The following SEPTIN8 variants were observed in gnomAD, a reference collection of about 807,000 sequenced individuals.
SEPTIN8 encodes the protein septin-8.
SEPTIN8 carries 22 observed loss-of-function variants against 53.1 expected under a neutral mutation model. That is an observed-to-expected ratio of 0.41 (90% CI 0.30 to 0.59). SEPTIN8 has a LOEUF of 0.59. Ranked by LOEUF, SEPTIN8 falls within the 20% of genes least tolerant of loss-of-function variation. The probability of loss-of-function intolerance (pLI) is 0.24; values close to 1 mark genes in which losing one functional copy is unlikely to be tolerated. For missense variants in SEPTIN8, 536 were observed against 638.7 expected, an observed-to-expected ratio of 0.84 and a Z score of 1.73; for synonymous variants, 228 against 248.4, an observed-to-expected ratio of 0.92 and a Z score of 0.77.
chr5:132,762,639 T>A lies in SEPTIN8; in HGVS notation c.541A>T (p.Ile181Phe), dbSNP rs1310943580. Residue 181 changes from isoleucine to phenylalanine, a missense_variant, in exon 5 of 10, where the codon ATT becomes TTT. Ile to Phe is a conservative substitution (Grantham distance 21). Coordinates refer to ENST00000378719, the MANE Select transcript of SEPTIN8 (RefSeq NM_001098811.2). ...TMKKLDSKVN[I>F]IPIIAKADTI... ...TCAGCCTTGGCGATGATGGGAATAA[T>A]GTTCACCTGCCAGGATCAGGGGAGG... 6.2e-7 allele frequency: 1 copy of A among 1,614,070 alleles called. No individual in the cohort carries two copies. Among genetic ancestry groups the A allele is most frequent in the Non-Finnish European group, 8.5e-7 (1 of 1,180,034 alleles).
chr5:132,778,375 C>T (rs1231248696), upstream of SEPTIN8, among the ~76,000 whole-genome samples: 1 of 152,120 alleles, frequency 6.6e-6, no homozygotes, highest in African/African-American at 2.4e-5. Context: ...TTCGACTTAG[C>T]ACACCTGGCT....
At chr5:132,754,838 A>G (rs1328998499) in intron 9 of SEPTIN8, among the ~76,000 whole-genome samples, 2 of 152,200 alleles carry the variant, frequency 1.3e-5, no homozygotes, top group East Asian at 3.8e-4. Flanking sequence ...AGCTATTGAA[A>G]GGCAGGGATT....
Position 132,764,371 on chromosome 5 carries a change from G to T in SEPTIN8, c.200C>A (p.Thr67Lys), listed in dbSNP as rs376068350. The T allele has an allele frequency of 1.1e-5, 17 of 1,614,028 alleles. No homozygotes were observed. Among genetic ancestry groups the T allele is most frequent in the Non-Finnish European group, 1.4e-5 (16 of 1,180,016 alleles). The change falls in exon 3 of 10, where the codon ACG (threonine) becomes AAG (lysine). Residue 67 changes from threonine to lysine, a missense_variant. Around this residue, in one of 3 missense-constraint regions of SEPTIN8, gnomAD observed 395 missense variants for 451.8 expected, o/e 0.87. Transcript: ENST00000378719. Reference protein sequence around the residue: ...KSTLMNTLFNTTFETEEASHH... With the variant: ...KSTLMNTLFNKTFETEEASHH... ...ACTGGCTTCCTCAGTCTCGAAGGTC[G>T]TGTTGAAGAGTGTGTTCATCAGTGT...
At chr5:132,757,003 A>C in intron 9 of SEPTIN8, 1 of 985,416 alleles carries the variant, frequency 1.0e-6, no homozygotes, top group Non-Finnish European at 1.2e-6. Context: ...AAATTACCCT[A>C]GAGATGAGCC....
At chr5:132,767,133 G>A (rs1316841323) in intron 1 of SEPTIN8, among the ~76,000 whole-genome samples, 3 of 152,034 alleles carry the variant, frequency 2.0e-5, no homozygotes, top group African/African-American at 7.2e-5. Context: ...CCATCACCTA[G>A]CCCCAAAGCA....
intron 9 of SEPTIN8, chr5:132,753,289 T>C: frequency 3.2e-6 from 1 of 313,812 alleles, no homozygotes; most frequent in Non-Finnish European, 6.1e-6. Context: ...CCAGCAAGGG[T>C]TGGCATTGGC....
At position 132,776,050 on chromosome 5, in the gene SEPTIN8, A is replaced by T. The variant is rs1176453896; in HGVS notation, c.30+1058T>A. ...TATATAAATTGGGATGACGGTATTTATAGCATTAATTACATAAGTCCTGGC... is the reference window on the plus strand; with the variant it reads ...TATATAAATTGGGATGACGGTATTTTTAGCATTAATTACATAAGTCCTGGC... On this transcript the variant is annotated intron_variant, in intron 1 of 9. Coordinates refer to ENST00000378719, the MANE Select transcript of SEPTIN8 (RefSeq NM_001098811.2). This position sits in a 1 kb window ranked among gnomAD's most constrained non-coding sequence, Gnocchi z 4.4. 1 of 152,422 alleles carries T rather than the reference A, an allele frequency of 6.6e-6. No individual in the cohort carries two copies. Among genetic ancestry groups the T allele is most frequent in the Non-Finnish European group, 1.5e-5 (1 of 68,206 alleles). 9.4% of individuals were successfully genotyped at this position (152,422 alleles called of 1,614,324 possible).
At position 132,760,650 on chromosome 5, in the gene SEPTIN8, T is replaced by TG. The variant is rs1561745719; in HGVS notation, c.1286+151dup. 1.4e-6 allele frequency: 1 copy of TG among 724,804 alleles called. No individual in the cohort carries two copies. The highest frequency in any genetic ancestry group is 2.3e-6 in the Non-Finnish European group (1 of 434,102). 44.9% of individuals were successfully genotyped at this position (724,804 alleles called of 1,614,324 possible). On this transcript the variant is annotated intron_variant, in intron 9 of 9. Coordinates refer to ENST00000378719, the MANE Select transcript of SEPTIN8 (RefSeq NM_001098811.2). The surrounding 1 kb of genome is among the most constrained non-coding windows in gnomAD (Gnocchi z 5.2). ...GAAAGAAAAAGGCAACCAAGAAAGC[T>TG]GGGGGGAGAGCCACTGAAGATGAGG...
At chr5:132,758,635 CCAGGCCCGGGGCA>C (rs1755576120) in intron 9 of SEPTIN8, 2 of 1,593,838 alleles carry the variant, frequency 1.3e-6, no homozygotes, top group Non-Finnish European at 1.7e-6. Flanking sequence ...GGGTGGCCCG[CCAGGCCCGGGGCA>C]GCCTGGGGCC....
At chr5:132,770,145 G>GTATATATA (rs1218971500) in intron 1 of SEPTIN8, among the ~76,000 whole-genome samples, 6 of 84,968 alleles carry the variant, frequency 7.1e-5, no homozygotes, top group South Asian at 3.0e-4. Context: ...GTATGTGTGT[G>GTATATATA]TATATATATA....
intron 3 of SEPTIN8, 26 bp from the exon 4 acceptor site, chr5:132,763,918 G>A (rs746893873): frequency 1.3e-6 from 2 of 1,535,424 alleles, no homozygotes; most frequent in African/African-American, 2.8e-5. Flanking sequence ...TCACCCAGGA[G>A]GCTGCCAGCT....
Position 132,761,324 on chromosome 5 carries a change from A to G in SEPTIN8, c.963-59T>C, listed in dbSNP as rs931777439. On this transcript the variant is annotated intron_variant, in intron 7 of 9. Transcript: ENST00000378719. The surrounding 1 kb of genome is among the most constrained non-coding windows in gnomAD (Gnocchi z 5.8). Reference sequence around the variant, plus strand: ...GGATTATGACGGAATGGGATAGGGCAGGGCAGAGCCAGAGAAGTAGAATCA... The same window carrying G: ...GGATTATGACGGAATGGGATAGGGCGGGGCAGAGCCAGAGAAGTAGAATCA... 4.1e-5 allele frequency: 66 copies of G among 1,605,728 alleles called. No individual in the cohort carries two copies. Among genetic ancestry groups the G allele is most frequent in the Middle Eastern group, 1.7e-4 (1 of 6,036 alleles).
chr5:132,770,002 T>TAC (rs1757034531), intron 1 of SEPTIN8, among the ~76,000 whole-genome samples: 1 of 48,494 alleles, frequency 2.1e-5, no homozygotes. Context: ...TATATATATA[T>TAC]ATATATATAT....
rs937558188 is a variant in SEPTIN8, at chr5:132,762,028, C to T, written c.697-132G>A. Reference sequence around the variant, plus strand: ...AGGCTCCAGGGCCAGATGCTTACTTCCTGGCTCTCTTCTGGAGAAATGTCC... The same window carrying T: ...AGGCTCCAGGGCCAGATGCTTACTTTCTGGCTCTCTTCTGGAGAAATGTCC... On this transcript the variant is annotated intron_variant, in intron 5 of 9. Transcript: ENST00000378719. The T allele has an allele frequency of 6.9e-6, 5 of 721,204 alleles. No homozygotes were observed. In the African/African-American group the frequency reaches 8.9e-5, roughly 13 times the overall value. 44.7% of individuals were successfully genotyped at this position (721,204 alleles called of 1,614,324 possible). A position where few individuals can be genotyped will look rare whatever the true frequency, so the allele number is the denominator to read the frequency against.
Position 132,758,668 on chromosome 5 carries a change from GGGA to G in SEPTIN8, c.1286+2131_1286+2133del, listed in dbSNP as rs1216966051. On this transcript the variant is annotated intron_variant, in intron 9 of 9. Transcript: ENST00000378719. ...GGGGCAGCCTGGGGCCAGGGTCGGT[GGGA>G]GGAAAGCAAGGCTGTAAACACTGGA... 5.9e-5 allele frequency: 94 copies of G among 1,593,382 alleles called. No individual in the cohort carries two copies. The Middle Eastern group carries it at 1.5e-3, about 26-fold the overall frequency.
intron 1 of SEPTIN8, among the ~76,000 whole-genome samples, chr5:132,775,001 C>A (rs911366183): frequency 6.6e-6 from 1 of 152,178 alleles, no homozygotes; most frequent in Non-Finnish European, 1.5e-5. Context: ...CAAATCCAAC[C>A]CTATCCAAGC....
upstream of SEPTIN8, chr5:132,777,309 CT>C: frequency 7.4e-6 from 8 of 1,085,064 alleles, no homozygotes; most frequent in Non-Finnish European, 8.9e-6. This position sits in a 1 kb window ranked among gnomAD's most constrained non-coding sequence, Gnocchi z 4.1. Flanking sequence ...GGAGCCGCCC[CT>C]GCCCCCGCCC....
chr5:132,777,826 C>G (rs1757935897), upstream of SEPTIN8: 8 of 985,506 alleles, frequency 8.1e-6, no homozygotes, highest in African/African-American at 1.7e-5. This position sits in a 1 kb window ranked among gnomAD's most constrained non-coding sequence, Gnocchi z 4.1. Context: ...GCGGCCTTCC[C>G]GGGCAAGGGA....
At chr5:132,777,718 AG>A, upstream of SEPTIN8, 1 of 985,436 alleles carries the variant, frequency 1.0e-6, no homozygotes, top group Non-Finnish European at 1.2e-6. The surrounding 1 kb of genome is among the most constrained non-coding windows in gnomAD (Gnocchi z 4.1). Context: ...GATCCGGGAG[AG>A]GCCGCGGCAG....
Sources: allele counts gnomAD v4.1 joint callset (sites outside exome capture counted in the v4.1 genomes callset), GRCh38; gene constraint gnomAD v4.1.1; regional missense constraint gnomAD v4.1.1; non-coding constraint Gnocchi (gnomAD v3.1); transcripts MANE v1.5; gene names NCBI Gene and HGNC (gene_info 2026-07-23, HGNC 2026-07-21).